The following MAP4K3 variants were observed in gnomAD, a reference collection of about 807,000 sequenced individuals.
MAP4K3 encodes the protein mitogen-activated protein kinase kinase kinase kinase 3, also known as MAPK/ERK kinase kinase kinase 3.
In MAP4K3, 94 loss-of-function variants were observed where a neutral mutation model predicts 143.5. The ratio of observed to expected loss-of-function variants is 0.65; its 90% CI spans 0.55 to 0.78. The LOEUF (loss-of-function observed/expected upper bound fraction) is 0.78, where lower values mean the gene tolerates loss of function less well. Among genes scored for constraint, MAP4K3 ranks in the 30% least tolerant of loss-of-function variants. MAP4K3 has a pLI of 0.00. For synonymous variants in MAP4K3, 416 were observed against 347.2 expected, an observed-to-expected ratio of 1.20 and a Z score of -2.20; for missense variants, 1,077 against 1,068.1, an observed-to-expected ratio of 1.01 and a Z score of -0.12.
At chr2:39,421,783 T>G (rs186133685) in intron 1 of MAP4K3, among the ~76,000 whole-genome samples, 37 of 152,216 alleles carry the variant, frequency 2.4e-4, no homozygotes, top group African/African-American at 8.4e-4. Flanking sequence ...CTCTTCTTGC[T>G]TATTCCTCCC....
intron 1 of MAP4K3, among the ~76,000 whole-genome samples, chr2:39,408,188 T>G (rs1337604232): frequency 6.6e-6 from 1 of 152,230 alleles, no homozygotes; most frequent in Non-Finnish European, 1.5e-5. Flanking sequence ...GATTGGTTCC[T>G]TCCATGCTTT....
chr2:39,391,845 G>A (rs182067856), intron 1 of MAP4K3, among the ~76,000 whole-genome samples: 244 of 152,118 alleles, frequency 1.6e-3, no homozygotes, highest in Non-Finnish European at 2.3e-3. Context: ...GGAGATGCTC[G>A]TAATCTCGCT....
chr2:39,404,617 CTTTTTTTTTTTTTT>C lies in MAP4K3; in HGVS notation c.97-26508_97-26495del, dbSNP rs1174319224. ...TTTCTTTTTTTTTTCTTCTTTCTTT[CTTTTTTTTTTTTTT>C]TTTTTTTGAGGTGGAGTTTTGCTCT... is the stretch of plus-strand genomic sequence containing the variant. On this transcript the variant is annotated intron_variant, in intron 1 of 33. Coordinates refer to ENST00000263881, the MANE Select transcript of MAP4K3 (RefSeq NM_003618.4). Among the ~76,000 whole-genome samples the C allele has an allele frequency of 1.2e-4, 10 of 86,116 alleles. No individual in the cohort carries two copies. The East Asian group carries it at 2.8e-3, about 24-fold the overall frequency. The allele number at this position is 86,116 out of a possible 152,430, so 56.5% of individuals were successfully genotyped here.
chr2:39,406,859 C>T (rs1667111017), intron 1 of MAP4K3, among the ~76,000 whole-genome samples: 1 of 152,146 alleles, frequency 6.6e-6, no homozygotes. Flanking sequence ...ATGTAAACTA[C>T]TCTTAAGTAG....
At position 39,406,693 on chromosome 2, in the gene MAP4K3, A is replaced by G. The variant is rs1572496647; in HGVS notation, c.97-28570T>C. Among the ~76,000 whole-genome samples, 4 of 152,220 alleles carry G rather than the reference A, an allele frequency of 2.6e-5. No homozygotes were observed. In the East Asian group the frequency reaches 5.8e-4, roughly 22 times the overall value. ...AGACAAACAAAAACTGACAGATTTC[A>G]TTAACACCAGACCTGTCCTACAAGA... is the stretch of plus-strand genomic sequence containing the variant. On this transcript the variant is annotated intron_variant, in intron 1 of 33. Transcript: ENST00000263881.
At chr2:39,408,027 AT>A (rs1667141585) in intron 1 of MAP4K3, among the ~76,000 whole-genome samples, 1 of 152,126 alleles carries the variant, frequency 6.6e-6, no homozygotes, top group Non-Finnish European at 1.5e-5. Context: ...AGTCAAGTTT[AT>A]GATCAGGACT....
chr2:39,337,971 C>G (rs892412239), intron 4 of MAP4K3, among the ~76,000 whole-genome samples: 3 of 151,822 alleles, frequency 2.0e-5, no homozygotes, highest in Non-Finnish European at 4.4e-5. Context: ...TTATCTTGCC[C>G]AGGCTGGTAT....
At chr2:39,280,910 T>A (rs1681491770) in intron 22 of MAP4K3, among the ~76,000 whole-genome samples, 1 of 152,220 alleles carries the variant, frequency 6.6e-6, no homozygotes, top group South Asian at 2.1e-4. Context: ...CTGGAAAGAT[T>A]CATTAAAAAG....
At chr2:39,305,354 G>C (rs550667373) in intron 15 of MAP4K3, among the ~76,000 whole-genome samples, 12 of 152,240 alleles carry the variant, frequency 7.9e-5, no homozygotes, top group African/African-American at 2.9e-4. Flanking sequence ...ACAGTACAGT[G>C]GTTTAGTTTT....
chr2:39,304,965 C>T (rs1280071049), intron 15 of MAP4K3, among the ~76,000 whole-genome samples: 1 of 152,152 alleles, frequency 6.6e-6, no homozygotes, highest in African/African-American at 2.4e-5. Flanking sequence ...CACAAAAGAA[C>T]AAATATGCTA....
At chr2:39,362,168 T>C (rs1298545762) in intron 2 of MAP4K3, among the ~76,000 whole-genome samples, 1 of 152,182 alleles carries the variant, frequency 6.6e-6, no homozygotes, top group Non-Finnish European at 1.5e-5. Flanking sequence ...GTAGCTCTTA[T>C]TTAGAATTGA....
At chr2:39,382,594 T>G (rs1666381893) in intron 1 of MAP4K3, among the ~76,000 whole-genome samples, 1 of 152,220 alleles carries the variant, frequency 6.6e-6, no homozygotes, top group African/African-American at 2.4e-5. Flanking sequence ...AATTTCATTC[T>G]AAATCAACAG....
chr2:39,404,280 G>T (rs1438439778), intron 1 of MAP4K3, among the ~76,000 whole-genome samples: 1 of 152,122 alleles, frequency 6.6e-6, no homozygotes, highest in African/African-American at 2.4e-5. Context: ...GACTCTTGGA[G>T]TCCCTGATTC....
At chr2:39,261,302 A>C (rs1278026027) in intron 28 of MAP4K3, among the ~76,000 whole-genome samples, 1 of 139,748 alleles carries the variant, frequency 7.2e-6, no homozygotes, top group Non-Finnish European at 1.6e-5. Context: ...CAACTCAGTT[A>C]TAATACAACC....
intron 1 of MAP4K3, among the ~76,000 whole-genome samples, chr2:39,424,830 C>CAAAAAAAA (rs58960920): frequency 7.3e-5 from 5 of 68,172 alleles, no homozygotes; most frequent in African/African-American, 1.2e-4. Context: ...TAACCTGACT[C>CAAAAAAAA]AAAAAAAAAA....
chr2:39,309,366 A>T, intron 14 of MAP4K3, 95 bp downstream of exon 14: 3 of 870,748 alleles, frequency 3.4e-6, no homozygotes, highest in Non-Finnish European at 5.3e-6. Flanking sequence ...TGAAAATATT[A>T]ATGACTAGCT....
At chr2:39,283,252 TCACATCACA>T (rs1681618023) in intron 21 of MAP4K3, among the ~76,000 whole-genome samples, 1 of 152,116 alleles carries the variant, frequency 6.6e-6, no homozygotes, top group African/African-American at 2.4e-5. Context: ...AGTGTACATA[TCACATCACA>T]CCCACCAGCA....
chr2:39,424,522 A>G (rs1665001582), intron 1 of MAP4K3, among the ~76,000 whole-genome samples: 1 of 152,048 alleles, frequency 6.6e-6, no homozygotes, highest in African/African-American at 2.4e-5. Context: ...CAGTAAAGCA[A>G]AAACAGTTTT....
intron 1 of MAP4K3, among the ~76,000 whole-genome samples, chr2:39,402,478 A>G (rs961046274): frequency 6.6e-6 from 1 of 152,188 alleles, no homozygotes; most frequent in African/African-American, 2.4e-5. Context: ...AAAGAGAAAT[A>G]TATCAAAATT....
Sources: gnomAD v4.1 joint callset for allele counts (sites outside exome capture counted in the v4.1 genomes callset) on GRCh38, gnomAD v4.1.1 for gene constraint, MANE v1.5 for transcripts, NCBI Gene and HGNC (gene_info 2026-07-23, HGNC 2026-07-21) for gene names.